The following OPCML variants were observed in gnomAD, a reference collection of about 807,000 sequenced individuals.
OPCML encodes opioid binding protein/cell adhesion molecule like, also known as opioid-binding protein/cell adhesion molecule.
In OPCML, 13 loss-of-function variants were observed where a neutral mutation model predicts 37.8. The ratio of observed to expected loss-of-function variants is 0.34; its 90% CI spans 0.22 to 0.55. OPCML has a LOEUF of 0.55. Among genes scored for constraint, OPCML ranks in the 20% least tolerant of loss-of-function variants. The pLI, the probability that OPCML is intolerant of heterozygous loss-of-function variation, is 0.91. For missense variants in OPCML, 341 were observed against 435.6 expected (o/e 0.78, Z 1.93); for synonymous variants, 176 against 168.8 (o/e 1.04, Z -0.33).
At chr11:132,974,623 A>G (rs1946415785) in intron 1 of OPCML, among the ~76,000 whole-genome samples, 1 of 152,158 alleles carries the variant, frequency 6.6e-6, no homozygotes, top group South Asian at 2.1e-4. Context: ...AACCAGAAAT[A>G]CCACTTGACC....
rs528520366 is a variant in OPCML at position 132,562,162 on chromosome 11, G to A, written c.380-32976C>T. Among the ~76,000 whole-genome samples, 5 of 152,196 alleles carry A rather than the reference G, an allele frequency of 3.3e-5. No individual in the cohort carries two copies. The South Asian group carries it at 1.0e-3, about 32-fold the overall frequency. ...ACAGATGATTAGCACTCCAAAATGA[G>A]GGCCTGGCAACACAGGTCCCGCCAA... On this transcript the variant is annotated intron_variant, in intron 3 of 7. Transcript: ENST00000524381.
intron 7 of OPCML, among the ~76,000 whole-genome samples, chr11:132,429,973 G>A (rs1051129413): frequency 6.6e-6 from 1 of 152,088 alleles, no homozygotes; most frequent in Non-Finnish European, 1.5e-5. Context: ...GTCACCACCC[G>A]GTTATATCAC....
intron 2 of OPCML, among the ~76,000 whole-genome samples, chr11:132,899,588 CA>C (rs1425134326): frequency 6.6e-6 from 1 of 152,072 alleles, no homozygotes; most frequent in Admixed American, 6.5e-5. Flanking sequence ...AAACAGGTGC[CA>C]AGTTGACAAA....
intron 1 of OPCML, among the ~76,000 whole-genome samples, chr11:133,232,459 T>G (rs1368638103): frequency 6.6e-6 from 1 of 152,180 alleles, no homozygotes; most frequent in Non-Finnish European, 1.5e-5. Context: ...GGAAACAATG[T>G]GCAAAGTGTG....
chr11:133,400,518 A>G (rs1264669752), intron 1 of OPCML, among the ~76,000 whole-genome samples: 1 of 152,202 alleles, frequency 6.6e-6, no homozygotes, highest in Non-Finnish European at 1.5e-5. Context: ...TGTACTCTAA[A>G]AACAACGCTT....
At chr11:133,176,957 C>T (rs1010736775) in intron 1 of OPCML, among the ~76,000 whole-genome samples, 8 of 152,156 alleles carry the variant, frequency 5.3e-5, no homozygotes, top group Non-Finnish European at 1.2e-4. Flanking sequence ...AGCCATGAGG[C>T]TGTCTTCACA....
At chr11:133,393,987 C>T (rs759250839) in intron 1 of OPCML, among the ~76,000 whole-genome samples, 2 of 152,152 alleles carry the variant, frequency 1.3e-5, no homozygotes, top group Non-Finnish European at 2.9e-5. Context: ...TTCACCATTC[C>T]CCCACCTTTC....
chr11:132,697,979 TTTATTTA>T (rs1943659881), intron 2 of OPCML, among the ~76,000 whole-genome samples: 2 of 2,702 alleles, frequency 7.4e-4, no homozygotes, highest in Admixed American at 8.1e-3. Context: ...TTATTTTCTA[TTTATTTA>T]TTTATTTATT....
chr11:133,257,744 C>T (rs1286949530), intron 1 of OPCML, among the ~76,000 whole-genome samples: 2 of 152,140 alleles, frequency 1.3e-5, no homozygotes, highest in Non-Finnish European at 2.9e-5. Flanking sequence ...CTTGTTATGA[C>T]TTATGCCAAC....
intron 1 of OPCML, among the ~76,000 whole-genome samples, chr11:133,499,026 C>G (rs1947847617): frequency 6.6e-6 from 1 of 152,200 alleles, no homozygotes; most frequent in Non-Finnish European, 1.5e-5. Flanking sequence ...AGCCTGGAAG[C>G]TACAGGGCCA....
intron 2 of OPCML, among the ~76,000 whole-genome samples, chr11:132,752,667 T>G (rs1038968424): frequency 9.2e-6 from 1 of 108,724 alleles, no homozygotes; most frequent in Non-Finnish European, 1.9e-5. Flanking sequence ...TCAATGTTGT[T>G]TTTTTTTTTT....
At position 132,419,235 on chromosome 11, in the gene OPCML, G is replaced by C. The variant is rs2095949030; in HGVS notation, c.*958C>G. The C allele has an allele frequency of 6.6e-6, 1 of 152,192 alleles. No individual in the cohort carries two copies. Among genetic ancestry groups the C allele is most frequent in the Admixed American group, 6.5e-5 (1 of 15,286 alleles). The allele number at this position is 152,192 out of a possible 1,614,324, so 9.4% of individuals were successfully genotyped here. A position where few individuals can be genotyped will look rare whatever the true frequency, so the allele number is the denominator to read the frequency against. On this transcript the variant is annotated 3_prime_UTR_variant, in exon 8 of 8. Coordinates refer to ENST00000524381, the MANE Select transcript of OPCML (RefSeq NM_001012393.5). ...GGGGATGAATTGATAGTGAGTAGTA[G>C]GGAGAGAATAGAAAGGAGTGTTAGA...
chr11:132,952,460 C>T (rs1407460842), intron 1 of OPCML, among the ~76,000 whole-genome samples: 2 of 152,184 alleles, frequency 1.3e-5, no homozygotes, highest in Non-Finnish European at 2.9e-5. Flanking sequence ...AACCTCGCTT[C>T]TCATTCTTGT....
chr11:133,134,806 G>C (rs993621706), intron 1 of OPCML, among the ~76,000 whole-genome samples: 1 of 152,154 alleles, frequency 6.6e-6, no homozygotes, highest in Non-Finnish European at 1.5e-5. Flanking sequence ...AGGGCGCAGA[G>C]AGCTCCCTGC....
intron 1 of OPCML, among the ~76,000 whole-genome samples, chr11:133,497,548 A>G (rs1224074533): frequency 6.6e-6 from 1 of 151,860 alleles, no homozygotes; most frequent in East Asian, 1.9e-4. Context: ...TGCTTTCTGG[A>G]CAGGTGGAAG....
chr11:133,318,683 C>T (rs902192635), intron 1 of OPCML, among the ~76,000 whole-genome samples: 1 of 152,154 alleles, frequency 6.6e-6, no homozygotes, highest in Non-Finnish European at 1.5e-5. Flanking sequence ...TTCACCCTGT[C>T]GCATTTAGTG....
chr11:133,057,697 CAT>C (rs1469509517), intron 1 of OPCML, among the ~76,000 whole-genome samples: 3 of 152,194 alleles, frequency 2.0e-5, no homozygotes, highest in African/African-American at 7.2e-5. Flanking sequence ...GTCACCATCA[CAT>C]GCGTCCTGTG....
rs5795825 is a variant in OPCML, at chr11:133,140,763, C to CGAAGAA, written c.62-197759_62-197754dup. Among the ~76,000 whole-genome samples, 215 of 48,904 alleles carry CGAAGAA rather than the reference C, an allele frequency of 4.4e-3. 7 individuals carry two copies. Among genetic ancestry groups the CGAAGAA allele is most frequent in the African/African-American group, 5.5e-3 (119 of 21,736 alleles). 32.1% of individuals were successfully genotyped at this position (48,904 alleles called of 152,430 possible). On this transcript the variant is annotated intron_variant, in intron 1 of 7. Coordinates refer to ENST00000524381, the MANE Select transcript of OPCML (RefSeq NM_001012393.5). The stretch of plus-strand genomic sequence containing the variant: ...ACGACGACGAGGAAGAAGAAGACGA[C>CGAAGAA]GAAGAAGAAGAAGAAGAAGACGACG...
intron 1 of OPCML, chr11:133,361,793 A>ATGC (rs1944428970): frequency 6.5e-6 from 1 of 153,250 alleles, no homozygotes; most frequent in Non-Finnish European, 1.5e-5. Context: ...CACTTTGTTC[A>ATGC]TGCTGTCTGC....
Sources: gnomAD v4.1 joint callset for allele counts (sites outside exome capture counted in the v4.1 genomes callset) on GRCh38, gnomAD v4.1.1 for gene constraint, MANE v1.5 for transcripts, NCBI Gene and HGNC (gene_info 2026-07-23, HGNC 2026-07-21) for gene names.